Variants in SCAP observed in about 807,000 individuals in gnomAD.
SCAP encodes SREBF chaperone.
A neutral mutation model predicts 123.6 loss-of-function variants in SCAP; 65 were observed. The ratio of observed to expected loss-of-function variants is 0.53; its 90% CI spans 0.43 to 0.65. SCAP has a LOEUF of 0.65. Ranked by LOEUF, SCAP falls within the 30% of genes least tolerant of loss-of-function variation. The pLI is 0.00. For missense variants in SCAP, 1,398 were observed against 1,712.5 expected, an observed-to-expected ratio of 0.82 and a Z score of 3.24; for synonymous variants, 740 against 726.3, an observed-to-expected ratio of 1.02 and a Z score of -0.30.
rs1706708834 is a variant in SCAP, at chr3:47,439,306, G to C, written c.122+3566C>G. 1.3e-5 allele frequency among the ~76,000 whole-genome samples: 2 copies of C among 152,068 alleles called. No individual in the cohort carries two copies. The highest frequency in any genetic ancestry group is 4.8e-5 in the African/African-American group (2 of 41,392). ...CACCTGTAATCCCAGCTACTCGGGA[G>C]GCTGAGGCAAGAGAATCACTTGAAC... On this transcript the variant is annotated intron_variant, in intron 2 of 22. Transcript: ENST00000265565. This position sits in a 1 kb window ranked among gnomAD's most constrained non-coding sequence, Gnocchi z 4.0.
chr3:47,457,419 G>A (rs1339848555), intron 1 of SCAP, among the ~76,000 whole-genome samples: 2 of 152,090 alleles, frequency 1.3e-5, no homozygotes, highest in Non-Finnish European at 2.9e-5. Context: ...GATTGACTGC[G>A]TTCCCCTTCA....
Position 47,427,157 on chromosome 3 carries a change from T to G in SCAP, c.737A>C (p.Lys246Thr). Residue 246 changes from lysine (K) to threonine (T), a missense_variant and splice_region_variant, in exon 6 of 23, where the codon AAG becomes ACG. Coordinates refer to ENST00000265565, the MANE Select transcript of SCAP (RefSeq NM_012235.4). ...GAGCCCAGGGTACTGTCAATCTTAC[T>G]TGGCATGGTAGTGCTGGAAGACCAG... ...ITLVFQHYHA[K>T]FLGSLRARLM... The G allele has an allele frequency of 1.2e-6, 2 of 1,610,522 alleles. No homozygotes were observed. Among genetic ancestry groups the G allele is most frequent in the South Asian group, 1.1e-5 (1 of 91,018 alleles).
intron 2 of SCAP, among the ~76,000 whole-genome samples, chr3:47,437,237 C>G (rs1256835413): frequency 3.4e-5 from 5 of 147,946 alleles, no homozygotes; most frequent in South Asian, 2.1e-4. Context: ...ATCGGGAGAT[C>G]GAGACCAGCC....
chr3:47,431,192 A>G (rs1237345842), intron 3 of SCAP, among the ~76,000 whole-genome samples: 1 of 151,590 alleles, frequency 6.6e-6, no homozygotes, highest in Non-Finnish European at 1.5e-5. Context: ...TCTGAGCAGG[A>G]AAGGAGCACT....
intron 1 of SCAP, among the ~76,000 whole-genome samples, chr3:47,455,062 C>CATATATATAT (rs58460988): frequency 1.0e-4 from 13 of 127,972 alleles, no homozygotes; most frequent in East Asian, 6.2e-4. Context: ...AAAAAAATTA[C>CATATATATAT]ATATATATAT....
At chr3:47,465,324 C>T (rs1707783189) in intron 1 of SCAP, among the ~76,000 whole-genome samples, 1 of 152,054 alleles carries the variant, frequency 6.6e-6, no homozygotes, top group African/African-American at 2.4e-5. Flanking sequence ...GTGTATGCCA[C>T]CACACCTGGA....
chr3:47,454,071 AG>A (rs1462081793), intron 1 of SCAP, among the ~76,000 whole-genome samples: 1 of 152,058 alleles, frequency 6.6e-6, no homozygotes, highest in East Asian at 1.9e-4. Context: ...CATCCTTTTA[AG>A]ATAAGAATAG....
In SCAP at chr3:47,422,461, G is replaced by A; in HGVS notation, c.1226C>T (p.Thr409Ile). 1 of 1,613,712 alleles carries A rather than the reference G, an allele frequency of 6.2e-7. No homozygotes were observed. ...CCTTACCTGGATGGCGGGCACTAGGGTGAAGTAGCCGATGAGGATGATGCC... is the reference window on the plus strand; with the variant it reads ...CCTTACCTGGATGGCGGGCACTAGGATGAAGTAGCCGATGAGGATGATGCC... The part of the protein sequence containing the change: ...ELGIILIGYF[T>I]LVPAIQEFCL... Residue 409 changes from threonine to isoleucine, a missense_variant, in exon 10 of 23, where the codon ACC (threonine) becomes ATC (isoleucine). Physicochemically the swap from Thr to Ile is moderately conservative, Grantham distance 89. Coordinates refer to ENST00000265565, the MANE Select transcript of SCAP (RefSeq NM_012235.4).
chr3:47,468,686 G>C (rs923482853), intron 1 of SCAP, among the ~76,000 whole-genome samples: 3 of 152,150 alleles, frequency 2.0e-5, no homozygotes, highest in African/African-American at 7.2e-5. Context: ...TCAGTCTGAT[G>C]GTAGTTTCTT....
chr3:47,434,513 G>T (rs1364130674), intron 3 of SCAP, among the ~76,000 whole-genome samples: 3 of 152,214 alleles, frequency 2.0e-5, no homozygotes. Flanking sequence ...AGAAGGAGGA[G>T]TGGGCTGGGG....
In SCAP at chr3:47,417,940, G is replaced by T. The variant is rs1256468627; in HGVS notation, c.2448-114C>A. Reference sequence around the variant, plus strand: ...GAGAAGGGGCAAGGGAAAAGGGGGTGGGGGGAGAGGGTGGTGCGGGGTGGG... The same window carrying T: ...GAGAAGGGGCAAGGGAAAAGGGGGTTGGGGGAGAGGGTGGTGCGGGGTGGG... On this transcript the variant is annotated intron_variant, in intron 16 of 22. Coordinates refer to ENST00000265565, the MANE Select transcript of SCAP (RefSeq NM_012235.4). 163 of 291,746 alleles carry T rather than the reference G, an allele frequency of 5.6e-4. 3 individuals carry two copies. The highest frequency in any genetic ancestry group is 3.5e-3 in the South Asian group (156 of 44,648). 18.1% of individuals were successfully genotyped at this position (291,746 alleles called of 1,614,324 possible).
chr3:47,442,449 G>A (rs1706844426), intron 2 of SCAP, among the ~76,000 whole-genome samples: 1 of 152,206 alleles, frequency 6.6e-6, no homozygotes, highest in African/African-American at 2.4e-5. Flanking sequence ...GCAAGTCTCT[G>A]AGGTTAGCCT....
At chr3:47,449,742 G>A (rs1707176002) in intron 1 of SCAP, among the ~76,000 whole-genome samples, 1 of 123,380 alleles carries the variant, frequency 8.1e-6, no homozygotes, top group South Asian at 3.0e-4. Flanking sequence ...ATATTGTATG[G>A]AGGAAAAAAA....
intron 1 of SCAP, among the ~76,000 whole-genome samples, chr3:47,472,083 T>C (rs1441039891): frequency 1.3e-5 from 2 of 151,354 alleles, no homozygotes; most frequent in Non-Finnish European, 2.9e-5. Flanking sequence ...ATAGCATCAA[T>C]GCACTCCAGC....
At chr3:47,416,402 AAGG>A (rs1415715023) in intron 18 of SCAP, among the ~76,000 whole-genome samples, 1 of 152,240 alleles carries the variant, frequency 6.6e-6, no homozygotes, top group South Asian at 2.1e-4. Flanking sequence ...GCCAGCGGCC[AAGG>A]AGAAGAGAGG....
intron 1 of SCAP, among the ~76,000 whole-genome samples, chr3:47,456,415 A>T (rs1474389231): frequency 2.0e-5 from 3 of 152,170 alleles, no homozygotes; most frequent in African/African-American, 7.2e-5. Context: ...CATAAAAATA[A>T]AAAATAAAAA....
chr3:47,441,195 C>T (rs547870603), intron 2 of SCAP, among the ~76,000 whole-genome samples: 4 of 152,206 alleles, frequency 2.6e-5, no homozygotes, highest in African/African-American at 7.2e-5. Context: ...CCACCACGCC[C>T]GGCCAGGTCT....
At chr3:47,418,900 G>A (rs1705768746) in intron 13 of SCAP, 57 bp from the exon 14 acceptor site, 1 of 1,436,462 alleles carries the variant, frequency 7.0e-7, no homozygotes, top group South Asian at 1.5e-5. Context: ...TCCTCCTGCT[G>A]TGCTCGCCAG....
intron 1 of SCAP, among the ~76,000 whole-genome samples, chr3:47,456,689 T>C (rs1394056746): frequency 6.6e-6 from 1 of 151,570 alleles, no homozygotes; most frequent in East Asian, 1.9e-4. Context: ...CACTTGAACC[T>C]GGGAGGCGGA....
Sources: gnomAD v4.1 joint callset for allele counts (sites outside exome capture counted in the v4.1 genomes callset) on GRCh38, gnomAD v4.1.1 for gene constraint, Gnocchi (gnomAD v3.1) non-coding constraint, MANE v1.5 for transcripts, NCBI Gene and HGNC (gene_info 2026-07-23, HGNC 2026-07-21) for gene names.